The following ARRB1 variants were observed in gnomAD, a reference collection of about 807,000 sequenced individuals.
The protein encoded by ARRB1 is beta-arrestin-1.
ARRB1 carries 21 observed loss-of-function variants against 56.8 expected under a neutral mutation model. The observed-to-expected ratio is 0.37, with a 90% confidence interval of 0.26 to 0.53. ARRB1 has a LOEUF of 0.53. Among genes scored for constraint, ARRB1 ranks in the 20% least tolerant of loss-of-function variants. ARRB1 has a pLI of 0.88. For synonymous variants in ARRB1, 210 were observed against 218.6 expected (o/e 0.96, Z 0.35); for missense variants, 424 against 553.7 (o/e 0.77, Z 2.35).
At chr11:75,329,725 G>A (rs1444947891) in intron 1 of ARRB1, among the ~76,000 whole-genome samples, 1 of 152,172 alleles carries the variant, frequency 6.6e-6, no homozygotes, top group Non-Finnish European at 1.5e-5. Flanking sequence ...GGGCACTGTG[G>A]TGCATGCCTG....
chr11:75,268,750 G>T, intron 14 of ARRB1, 139 bp downstream of exon 14: 1 of 877,998 alleles, frequency 1.1e-6, no homozygotes, highest in Non-Finnish European at 1.7e-6. Flanking sequence ...AGCAAATCGA[G>T]TTCTGGACCC....
rs1033544526 is a variant in ARRB1 at position 75,328,022 on chromosome 11, G to A, written c.20+23566C>T. Among the ~76,000 whole-genome samples the A allele has an allele frequency of 7.9e-5, 12 of 152,268 alleles. No individual in the cohort carries two copies. In the East Asian group the frequency reaches 1.7e-3, roughly 22 times the overall value. ...TCCATTCACAACGTTGTGCAAAACC[G>A]CCACTTCTATCTAGATCCAACGCAT... On this transcript the variant is annotated intron_variant, in intron 1 of 15. Coordinates refer to ENST00000420843, the MANE Select transcript of ARRB1 (RefSeq NM_004041.5).
At chr11:75,313,424 G>A (rs778007505) in intron 1 of ARRB1, among the ~76,000 whole-genome samples, 1 of 152,226 alleles carries the variant, frequency 6.6e-6, no homozygotes, top group Non-Finnish European at 1.5e-5. Context: ...AAGGTTGGGG[G>A]CCCCTCAGCC....
chr11:75,309,358 G>A (rs1252427372), intron 1 of ARRB1, among the ~76,000 whole-genome samples: 1 of 152,270 alleles, frequency 6.6e-6, no homozygotes, highest in Non-Finnish European at 1.5e-5. Context: ...CCCCAGGATG[G>A]GAGCTCCTCC....
chr11:75,314,707 T>A (rs942978554), intron 1 of ARRB1, among the ~76,000 whole-genome samples: 2 of 152,076 alleles, frequency 1.3e-5, no homozygotes, highest in African/African-American at 2.4e-5. Context: ...GCTCAGGTGA[T>A]CCTCCCACCT....
At chr11:75,331,714 C>T (rs1396613957) in intron 1 of ARRB1, among the ~76,000 whole-genome samples, 2 of 151,852 alleles carry the variant, frequency 1.3e-5, no homozygotes, top group Non-Finnish European at 2.9e-5. Flanking sequence ...GGACTCAGCC[C>T]GCCTGCACCC....
intron 1 of ARRB1, among the ~76,000 whole-genome samples, chr11:75,309,566 C>T (rs1947112981): frequency 6.6e-6 from 1 of 152,152 alleles, no homozygotes; most frequent in African/African-American, 2.4e-5. Context: ...CCACTGGTGG[C>T]CTTGGGCAGG....
At position 75,283,314 on chromosome 11, in the gene ARRB1, G is replaced by A. The variant is rs1415966688; in HGVS notation, c.327C>T (p.Gly109=). ...RLQERLIKKL[G]EHAYPFTFEI... is the part of the protein sequence containing the mutation. ...CAAAGGTGAAAGGGTAAGCGTGCTCGCCCAGCTTCTTGATGAGGCGTTCCT... is the reference window on the plus strand; with the variant it reads ...CAAAGGTGAAAGGGTAAGCGTGCTCACCCAGCTTCTTGATGAGGCGTTCCT... The change falls in exon 5 of 16, where the codon GGC becomes GGT. Residue 109 remains glycine, a synonymous_variant. Transcript: ENST00000420843. The A allele has an allele frequency of 8.1e-6, 13 of 1,612,470 alleles. No individual in the cohort carries two copies. Among genetic ancestry groups the A allele is most frequent in the South Asian group, 2.2e-5 (2 of 90,856 alleles).
intron 9 of ARRB1, 141 bp from the exon 10 acceptor site, chr11:75,277,052 CT>C (rs1297186601): frequency 3.9e-6 from 3 of 770,336 alleles, no homozygotes; most frequent in African/African-American, 3.4e-5. Context: ...AAGACCACCC[CT>C]GTCTTACATC....
intron 1 of ARRB1, among the ~76,000 whole-genome samples, chr11:75,315,098 C>G (rs1947243175): frequency 6.6e-6 from 1 of 152,190 alleles, no homozygotes; most frequent in Admixed American, 6.5e-5. Context: ...GGGAGATCAC[C>G]CGCTGTAGTG....
At chr11:75,332,446 A>G (rs1362895500) in intron 1 of ARRB1, among the ~76,000 whole-genome samples, 1 of 152,188 alleles carries the variant, frequency 6.6e-6, no homozygotes, top group Non-Finnish European at 1.5e-5. Flanking sequence ...TCTGAATAGG[A>G]AACATTTGTC....
chr11:75,278,060 C>T (rs1401606654), intron 8 of ARRB1, among the ~76,000 whole-genome samples: 1 of 152,196 alleles, frequency 6.6e-6, no homozygotes, highest in Non-Finnish European at 1.5e-5. Flanking sequence ...TGAATCCCTA[C>T]AAAAAGACCT....
chr11:75,334,539 C>A (rs1947572993), intron 1 of ARRB1, among the ~76,000 whole-genome samples: 1 of 152,194 alleles, frequency 6.6e-6, no homozygotes, highest in Non-Finnish European at 1.5e-5. Context: ...CATCTCCATC[C>A]AGCTTTCATC....
Position 75,297,229 on chromosome 11 carries a change from T to C in ARRB1, c.21-7190A>G, listed in dbSNP as rs1946771296. 3.4e-5 allele frequency among the ~76,000 whole-genome samples: 5 copies of C among 147,102 alleles called. No homozygotes were observed. The South Asian group carries it at 1.1e-3, about 32-fold the overall frequency. On this transcript the variant is annotated intron_variant, in intron 1 of 15. Coordinates refer to ENST00000420843, the MANE Select transcript of ARRB1 (RefSeq NM_004041.5). ...ACTGAGAAGCTCATCCTAAAATTCA[T>C]AAGGAAATGCCAGGGATCCAGAATA... is the stretch of plus-strand genomic sequence containing the variant.
chr11:75,303,403 C>A (rs890405461), intron 1 of ARRB1, among the ~76,000 whole-genome samples: 11 of 152,118 alleles, frequency 7.2e-5, no homozygotes, highest in South Asian at 2.1e-4. Flanking sequence ...CAACTGCAGC[C>A]CCTTCCCATC....
chr11:75,287,275 C>T, intron 3 of ARRB1, 40 bp downstream of exon 3: 15 of 1,538,628 alleles, frequency 9.7e-6, no homozygotes, highest in Non-Finnish European at 1.3e-5. Context: ...TGGCCAGCCA[C>T]ATCTTCCCCC....
chr11:75,332,634 C>T (rs1947539105), intron 1 of ARRB1, among the ~76,000 whole-genome samples: 1 of 152,158 alleles, frequency 6.6e-6, no homozygotes, highest in Non-Finnish European at 1.5e-5. Flanking sequence ...CGGTGGCTCA[C>T]GCCTGTAATC....
intron 1 of ARRB1, chr11:75,312,185 A>G: frequency 1.6e-6 from 2 of 1,265,778 alleles, no homozygotes; most frequent in South Asian, 1.2e-5. Flanking sequence ...TGGTGAGCTC[A>G]GCCTTTCCCA....
In ARRB1 at chr11:75,282,009, G is replaced by T; in HGVS notation, c.367C>A (p.Leu123Ile). ...GGCTGCAGTGTCACAGAACATGGAA[G>T]GTTTGGAGGGATCTGTCAAGAAGAG... ...YPFTFEIPPN[L>I]PCSVTLQPGP... The change falls in exon 6 of 16, where the codon CTT becomes ATT. Residue 123 changes from leucine to isoleucine, a missense_variant. Leu to Ile is a conservative substitution (Grantham distance 5). Around this residue, in one of 3 missense-constraint regions of ARRB1, gnomAD observed 301 missense variants for 387.9 expected, o/e 0.78. Coordinates refer to ENST00000420843, the MANE Select transcript of ARRB1 (RefSeq NM_004041.5). The T allele has an allele frequency of 6.2e-7, 1 of 1,614,110 alleles. No homozygotes were observed. Among genetic ancestry groups the T allele is most frequent in the Non-Finnish European group, 8.5e-7 (1 of 1,179,994 alleles).
Sources: gnomAD v4.1 joint callset for allele counts (sites outside exome capture counted in the v4.1 genomes callset) on GRCh38, gnomAD v4.1.1 for gene constraint, gnomAD v4.1.1 regional missense constraint, MANE v1.5 for transcripts, NCBI Gene and HGNC (gene_info 2026-07-23, HGNC 2026-07-21) for gene names.